AGK: variants seen among roughly 807,000 people sequenced by gnomAD.
The protein encoded by AGK is acylglycerol kinase, mitochondrial.
In AGK, 52 loss-of-function variants were observed where a neutral mutation model predicts 66.4. The ratio of observed to expected loss-of-function variants is 0.78; its 90% CI spans 0.63 to 0.99. The LOEUF (loss-of-function observed/expected upper bound fraction) is 0.99. Ranked by LOEUF, AGK falls within the 50% of genes least tolerant of loss-of-function variation. The probability of loss-of-function intolerance (pLI) is 0.00; values close to 1 mark genes in which losing one functional copy is unlikely to be tolerated. For synonymous variants in AGK, 182 were observed against 181.1 expected (o/e 1.00, Z -0.04); for missense variants, 451 against 506.6 (o/e 0.89, Z 1.05).
At chr7:141,605,854 A>G (rs796069129) in intron 5 of AGK, among the ~76,000 whole-genome samples, 1 of 152,214 alleles carries the variant, frequency 6.6e-6, no homozygotes, top group African/African-American at 2.4e-5. Flanking sequence ...CCCATTTGAC[A>G]TGAAAGCTCC....
At chr7:141,595,307 T>C (rs1220631227) in intron 3 of AGK, among the ~76,000 whole-genome samples, 1 of 152,134 alleles carries the variant, frequency 6.6e-6, no homozygotes, top group Non-Finnish European at 1.5e-5. Context: ...ATTCCAGAAA[T>C]AGTATAGATA....
At chr7:141,621,201 G>C (rs552635164) in intron 8 of AGK, among the ~76,000 whole-genome samples, 123 of 152,188 alleles carry the variant, frequency 8.1e-4, no homozygotes, top group Middle Eastern at 3.4e-3. Context: ...TCAGAATGTA[G>C]ATAAGAACGG....
intron 9 of AGK, among the ~76,000 whole-genome samples, chr7:141,623,875 A>G (rs981937030): frequency 2.0e-5 from 3 of 152,136 alleles, no homozygotes; most frequent in African/African-American, 7.2e-5. Flanking sequence ...GTTAAAAACT[A>G]CTGCAGCTGG....
intron 14 of AGK, chr7:141,650,758 C>T (rs570092644): frequency 2.9e-4 from 247 of 847,890 alleles, no homozygotes; most frequent in Non-Finnish European, 3.4e-4. Context: ...AGTCATCCCA[C>T]GGTATCCTTG....
chr7:141,648,841 C>T (rs1419672986), intron 13 of AGK, among the ~76,000 whole-genome samples: 1 of 152,140 alleles, frequency 6.6e-6, no homozygotes, highest in African/African-American at 2.4e-5. Flanking sequence ...CACTTGGGCT[C>T]TCCACACCAA....
At chr7:141,592,487 C>A (rs1796142250) in intron 2 of AGK, among the ~76,000 whole-genome samples, 1 of 152,186 alleles carries the variant, frequency 6.6e-6, no homozygotes, top group African/African-American at 2.4e-5. Flanking sequence ...CCAGGACGAT[C>A]TCCCATGTCA....
In AGK at chr7:141,653,570, C is replaced by CT. The variant is rs1797614821; in HGVS notation, c.*646_*647insT. ...TTGAAAACTTATTTGGGGTCTACCC[C>CT]AAACCTAATAACCCAAATTTGGGGA... On this transcript the variant is annotated 3_prime_UTR_variant, in exon 16 of 16. Transcript: ENST00000649286. 1 of 152,162 alleles carries CT rather than the reference C, an allele frequency of 6.6e-6. No homozygotes were observed. The highest frequency in any genetic ancestry group is 2.1e-4 in the South Asian group (1 of 4,830). The allele number at this position is 152,162 out of a possible 1,614,324, so 9.4% of individuals were successfully genotyped here. A position where few individuals can be genotyped will look rare whatever the true frequency, so the allele number is the denominator to read the frequency against.
chr7:141,614,148 T>C lies in AGK; in HGVS notation c.393T>C (p.Val131=), dbSNP rs1796655664. ...VAGGDGTLQE[V]VTGVLRRTDE... Reference sequence around the variant, plus strand: ...ATGTTTTATTATTACATTTGTAGGTTGTTACTGGTGTTCTTCGACGAACAG... The same window carrying C: ...ATGTTTTATTATTACATTTGTAGGTCGTTACTGGTGTTCTTCGACGAACAG... The change falls in exon 7 of 16, where the codon GTT becomes GTC. Residue 131 remains valine, a splice_region_variant and synonymous_variant. Coordinates refer to ENST00000649286, the MANE Select transcript of AGK (RefSeq NM_018238.4). 2 of 1,531,184 alleles carry C rather than the reference T, an allele frequency of 1.3e-6. No individual in the cohort carries two copies. The highest frequency in any genetic ancestry group is 2.4e-5 in the East Asian group (1 of 42,264). The allele number at this position is 1,531,184 out of a possible 1,614,324, so 94.8% of individuals were successfully genotyped here.
intron 2 of AGK, among the ~76,000 whole-genome samples, chr7:141,582,706 T>G (rs1349121694): frequency 6.6e-6 from 1 of 151,984 alleles, no homozygotes; most frequent in Non-Finnish European, 1.5e-5. Flanking sequence ...ATTATGCCTT[T>G]AGCTCCAGCC....
At chr7:141,562,195 G>A in intron 2 of AGK, 1 of 454,574 alleles carries the variant, frequency 2.2e-6, no homozygotes, top group Non-Finnish European at 4.4e-6. Context: ...TGGTTAGCCA[G>A]GATGTTGCAG....
At chr7:141,582,954 G>C (rs1271822669) in intron 2 of AGK, among the ~76,000 whole-genome samples, 1 of 151,792 alleles carries the variant, frequency 6.6e-6, no homozygotes, top group Non-Finnish European at 1.5e-5. Context: ...ACTTGGGGTT[G>C]GGACTGAGGG....
intron 9 of AGK, among the ~76,000 whole-genome samples, chr7:141,632,245 CA>C (rs138506133): frequency 6.8e-6 from 1 of 147,630 alleles, no homozygotes; most frequent in African/African-American, 2.5e-5. Context: ...AAAAAAAAAA[CA>C]AAAAAAACCC....
In AGK at chr7:141,555,098, T is replaced by A. The variant is rs531783278; in HGVS notation, c.-14-355T>A. On this transcript the variant is annotated intron_variant, in intron 1 of 15. Transcript: ENST00000649286. The surrounding 1 kb of genome is among the most constrained non-coding windows in gnomAD (Gnocchi z 4.2). ...AGTGGTACAGTGAGGCTGTAAGGAGTTAGAAAAACCAGAGGAAGCCTGGAA... is the reference window on the plus strand; with the variant it reads ...AGTGGTACAGTGAGGCTGTAAGGAGATAGAAAAACCAGAGGAAGCCTGGAA... 8.9e-4 allele frequency among the ~76,000 whole-genome samples: 136 copies of A among 152,058 alleles called. No individual in the cohort carries two copies. Among genetic ancestry groups the A allele is most frequent in the African/African-American group, 3.1e-3 (129 of 41,374 alleles).
rs569148166 is a variant in AGK, at chr7:141,639,929, C to A, written c.727-1319C>A. ...GACATATTGTAGAAGAATAAAGACA[C>A]AGGAAAGCCAAGAGTAAGTGGAAAA... On this transcript the variant is annotated intron_variant, in intron 11 of 15. Transcript: ENST00000649286. Among the ~76,000 whole-genome samples the A allele has an allele frequency of 2.0e-5, 3 of 152,176 alleles. No individual in the cohort carries two copies. In the South Asian group the frequency reaches 6.2e-4, roughly 32 times the overall value.
At chr7:141,570,837 G>T (rs1795589929) in intron 2 of AGK, among the ~76,000 whole-genome samples, 1 of 151,804 alleles carries the variant, frequency 6.6e-6, no homozygotes, top group East Asian at 1.9e-4. Flanking sequence ...TCTCCACATT[G>T]TTTTACTGTA....
intron 2 of AGK, among the ~76,000 whole-genome samples, chr7:141,583,291 G>C (rs1335867777): frequency 6.6e-6 from 1 of 151,608 alleles, no homozygotes; most frequent in African/African-American, 2.4e-5. Context: ...AATGGAGGGT[G>C]GAAAGTTGCC....
At chr7:141,635,981 CAGAG>C (rs1156894328) in intron 10 of AGK, among the ~76,000 whole-genome samples, 2 of 152,204 alleles carry the variant, frequency 1.3e-5, no homozygotes, top group East Asian at 1.9e-4. Context: ...TCAGAATCAA[CAGAG>C]AGCAGTTAAT....
chr7:141,651,710 C>T (rs1460514499), intron 15 of AGK, 101 bp downstream of exon 15: 3 of 1,106,962 alleles, frequency 2.7e-6, no homozygotes, highest in African/African-American at 1.5e-5. Flanking sequence ...CTGACCTAGA[C>T]TTAGGCACAT....
intron 8 of AGK, among the ~76,000 whole-genome samples, chr7:141,617,465 G>T (rs1447775544): frequency 6.6e-6 from 1 of 152,184 alleles, no homozygotes; most frequent in African/African-American, 2.4e-5. Flanking sequence ...TCAGAGTTCT[G>T]TAGGCCTCAT....
Sources: gnomAD v4.1 joint callset for allele counts (sites outside exome capture counted in the v4.1 genomes callset) on GRCh38, gnomAD v4.1.1 for gene constraint, Gnocchi (gnomAD v3.1) non-coding constraint, MANE v1.5 for transcripts, NCBI Gene and HGNC (gene_info 2026-07-23, HGNC 2026-07-21) for gene names.